The following TGFBI variants were observed in gnomAD, a reference collection of about 807,000 sequenced individuals.
The protein encoded by TGFBI is transforming growth factor-beta-induced protein ig-h3.
A neutral mutation model predicts 73.7 loss-of-function variants in TGFBI; 50 were observed. The observed-to-expected ratio is 0.68, with a 90% CI of 0.54 to 0.86. The LOEUF is 0.86. Ranked by LOEUF, TGFBI falls within the 40% of genes least tolerant of loss-of-function variation. TGFBI has a pLI of 0.00. For missense variants in TGFBI, 839 were observed against 877.0 expected (o/e 0.96, Z 0.55); for synonymous variants, 362 against 360.5 (o/e 1.00, Z -0.05).
chr5:136,057,978 A>G (rs1751679811), intron 12 of TGFBI, among the ~76,000 whole-genome samples: 1 of 151,890 alleles, frequency 6.6e-6, no homozygotes, highest in Non-Finnish European at 1.5e-5. Flanking sequence ...GGAGTTGAGG[A>G]GGGGGATGGG....
chr5:136,033,158 G>GT (rs1421458451), intron 1 of TGFBI, among the ~76,000 whole-genome samples: 2 of 152,150 alleles, frequency 1.3e-5, no homozygotes, highest in African/African-American at 4.8e-5. Context: ...CAGGAATTCT[G>GT]TTTGGAACCC....
At chr5:136,044,252 G>T (rs955835040) in intron 3 of TGFBI, 130 bp downstream of exon 3, 1 of 773,572 alleles carries the variant, frequency 1.3e-6, no homozygotes, top group East Asian at 2.6e-5. Flanking sequence ...TTCTCCCCAC[G>T]TGCCCACTGG....
At chr5:136,045,520 G>C (rs1246031671) in intron 3 of TGFBI, among the ~76,000 whole-genome samples, 1 of 151,974 alleles carries the variant, frequency 6.6e-6, no homozygotes, top group Non-Finnish European at 1.5e-5. Flanking sequence ...ACTCCAGCCT[G>C]GGCAAGAAGA....
Position 136,060,888 on chromosome 5 carries a change from G to A in TGFBI, c.1858G>A (p.Ala620Thr). ...GCCTGTTGCCGAGCCTGACATCATG[G>A]CCACAAATGGCGTGGTCCATGTCAT... ...KEPVAEPDIMATNGVVHVITN... is the reference protein window; with the variant it reads ...KEPVAEPDIMTTNGVVHVITN... The change falls in exon 14 of 17, where the codon GCC becomes ACC. Residue 620 changes from alanine to threonine, a missense_variant. Coordinates refer to ENST00000442011, the MANE Select transcript of TGFBI (RefSeq NM_000358.3). The A allele has an allele frequency of 6.2e-7, 1 of 1,600,950 alleles. No homozygotes were observed. The highest frequency in any genetic ancestry group is 8.5e-7 in the Non-Finnish European group (1 of 1,170,418).
chr5:136,063,111 T>C (rs1751778986), intron 16 of TGFBI, 75 bp from the exon 17 acceptor site: 1 of 1,401,382 alleles, frequency 7.1e-7, no homozygotes, highest in Admixed American at 1.7e-5. Flanking sequence ...CCCTGGTCCT[T>C]GAGATTCTGA....
chr5:136,035,409 G>C (rs567632961), intron 2 of TGFBI, among the ~76,000 whole-genome samples: 19 of 152,222 alleles, frequency 1.2e-4, no homozygotes, highest in African/African-American at 4.3e-4. Context: ...GGATCACAAG[G>C]TCAGGAGACA....
chr5:136,046,363 C>T lies in TGFBI; in HGVS notation c.327C>T (p.Thr109=), dbSNP rs370398713. ...AALPLSNLYE[T]LGVVGSTTTQ... is the part of the protein sequence containing the mutation. ...TACCACTCTCAAACCTTTACGAGACCCTGGGAGTCGTTGGATCCACCACCA... is the reference window on the plus strand; with the variant it reads ...TACCACTCTCAAACCTTTACGAGACTCTGGGAGTCGTTGGATCCACCACCA... Residue 109 remains threonine, a synonymous_variant, in exon 4 of 17, where the codon ACC becomes ACT. Coordinates refer to ENST00000442011, the MANE Select transcript of TGFBI (RefSeq NM_000358.3). 1 of 1,613,882 alleles carries T rather than the reference C, an allele frequency of 6.2e-7. No homozygotes were observed. The highest frequency in any genetic ancestry group is 1.3e-5 in the African/African-American group (1 of 74,998).
chr5:136,056,915 AG>A, intron 12 of TGFBI, 120 bp downstream of exon 12: 1 of 1,279,700 alleles, frequency 7.8e-7, no homozygotes, highest in Non-Finnish European at 1.1e-6. Context: ...CAAGACTATT[AG>A]TGAAAGAGTG....
At chr5:136,038,454 C>A (rs45520034) in intron 2 of TGFBI, among the ~76,000 whole-genome samples, 1 of 151,504 alleles carries the variant, frequency 6.6e-6, no homozygotes, top group Non-Finnish European at 1.5e-5. Flanking sequence ...TGGTGGTTCA[C>A]GCCTTTAATC....
chr5:136,061,429 A>G (rs1751745286), intron 14 of TGFBI, 71 bp from the exon 15 acceptor site: 1 of 1,108,658 alleles, frequency 9.0e-7, no homozygotes, highest in Non-Finnish European at 1.3e-6. Context: ...AGTGCCCCTC[A>G]GTCACGGTTG....
chr5:136,042,657 G>A (rs77409694), intron 2 of TGFBI, among the ~76,000 whole-genome samples: 1,499 of 147,392 alleles, frequency 0.01, 23 homozygotes, highest in African/African-American at 0.035. Flanking sequence ...AGGAAGGAAG[G>A]AGGAGGAAGC....
At chr5:136,052,076 G>C (rs1457941109) in intron 7 of TGFBI, among the ~76,000 whole-genome samples, 1 of 152,206 alleles carries the variant, frequency 6.6e-6, no homozygotes, top group Non-Finnish European at 1.5e-5. Flanking sequence ...GGGTTGGGGG[G>C]GGCTCCTCCT....
chr5:136,046,860 G>T lies in TGFBI; in HGVS notation c.469G>T (p.Asp157Tyr), dbSNP rs765769059. The change falls in exon 5 of 17, where the codon GAC (aspartate) becomes TAC (tyrosine). Residue 157 changes from aspartate (D) to tyrosine (Y), a missense_variant. Asp to Tyr is a radical substitution (Grantham distance 160). Transcript: ENST00000442011. ...AWASLPAEVLDSLVSNVNIEL... is the reference protein window; with the variant it reads ...AWASLPAEVLYSLVSNVNIEL... ...CTGTCCTTCCTCCTAGGAAGTGCTGGACTCCCTGGTCAGCAATGTCAACAT... is the reference window on the plus strand; with the variant it reads ...CTGTCCTTCCTCCTAGGAAGTGCTGTACTCCCTGGTCAGCAATGTCAACAT... 2.5e-6 allele frequency: 4 copies of T among 1,613,104 alleles called. No individual in the cohort carries two copies. In the African/African-American group the frequency reaches 4.0e-5, roughly 16 times the overall value.
Position 136,063,675 on chromosome 5 carries a change from GTCAA to G in TGFBI, c.*450_*453del. On this transcript the variant is annotated 3_prime_UTR_variant, in exon 17 of 17. Coordinates refer to ENST00000442011, the MANE Select transcript of TGFBI (RefSeq NM_000358.3). ...TATAAGCTATGAGTTGAAATGTTCT[GTCAA>G]ATGTGTCTCACATCTACACGTGGCT... 1 of 163,706 alleles carries G rather than the reference GTCAA, an allele frequency of 6.1e-6. No homozygotes were observed. The highest frequency in any genetic ancestry group is 1.8e-4 in the South Asian group (1 of 5,514). The allele number at this position is 163,706 out of a possible 1,614,324, so 10.1% of individuals were successfully genotyped here. A position where few individuals can be genotyped will look rare whatever the true frequency, so the allele number is the denominator to read the frequency against.
chr5:136,046,463 C>A lies in TGFBI; in HGVS notation c.427C>A (p.Pro143Thr). 3.7e-6 allele frequency: 6 copies of A among 1,611,808 alleles called. No homozygotes were observed. The highest frequency in any genetic ancestry group is 5.1e-6 in the Non-Finnish European group (6 of 1,178,408). The change falls in exon 4 of 17, where the codon CCT becomes ACT. Residue 143 changes from proline to threonine, a missense_variant. Pro to Thr is a conservative substitution (Grantham distance 38). Coordinates refer to ENST00000442011, the MANE Select transcript of TGFBI (RefSeq NM_000358.3). The stretch of plus-strand genomic sequence containing the variant: ...GCCCGGCAGCTTCACCATCTTCGCC[C>A]CTAGCAACGAGGCCTGGGCCTCCTT... ...EGPGSFTIFA[P>T]SNEAWASLPA...
In TGFBI at chr5:136,054,749, A is replaced by G. The variant is rs1352274111; in HGVS notation, c.1298A>G (p.Asn433Ser). ...GTPPIDAHTR[N>S]LLRNHIIKDQ... ...CCTCCAATTGATGCCCATACAAGGAATTTGCTTCGGAACCACATAATTAAA... is the reference window on the plus strand; with the variant it reads ...CCTCCAATTGATGCCCATACAAGGAGTTTGCTTCGGAACCACATAATTAAA... Residue 433 changes from asparagine (N) to serine (S), a missense_variant, in exon 10 of 17, where the codon AAT (asparagine) becomes AGT (serine). Transcript: ENST00000442011. 1 of 1,613,972 alleles carries G rather than the reference A, an allele frequency of 6.2e-7. No homozygotes were observed. The highest frequency in any genetic ancestry group is 1.1e-5 in the South Asian group (1 of 91,082).
intron 8 of TGFBI, 143 bp from the exon 9 acceptor site, chr5:136,053,800 C>T (rs1013473698): frequency 8.3e-7 from 1 of 1,202,752 alleles, no homozygotes; most frequent in South Asian, 1.5e-5. Flanking sequence ...ATGACACAAG[C>T]CCGCTGGGCC....
chr5:136,041,914 A>G (rs2126906677), intron 2 of TGFBI, among the ~76,000 whole-genome samples: 1 of 152,378 alleles, frequency 6.6e-6, no homozygotes, highest in African/African-American at 2.4e-5. Flanking sequence ...CCAACAATAT[A>G]GAAAAAGAGT....
At chr5:136,044,165 G>A in intron 3 of TGFBI, 43 bp downstream of exon 3, 3 of 1,532,882 alleles carry the variant, frequency 2.0e-6, no homozygotes, top group Non-Finnish European at 2.7e-6. Context: ...GTGGGTGGAA[G>A]GGAATGGTGG....
Sources: allele counts gnomAD v4.1 joint callset (sites outside exome capture counted in the v4.1 genomes callset), GRCh38; gene constraint gnomAD v4.1.1; transcripts MANE v1.5; gene names NCBI Gene and HGNC (gene_info 2026-07-23, HGNC 2026-07-21).